The following CUX2 variants were observed in gnomAD, a reference collection of about 807,000 sequenced individuals.
CUX2 encodes the protein cut like homeobox 2.
Under a neutral mutation model 144.8 loss-of-function variants are expected in CUX2, and 40 were observed. That is an observed-to-expected ratio of 0.28 (90% CI 0.21 to 0.36). The LOEUF is 0.36. Ranked by LOEUF, CUX2 falls within the 10% of genes least tolerant of loss-of-function variation. CUX2 has a pLI of 1.00. For missense variants in CUX2, 1,615 were observed against 1,994.0 expected (o/e 0.81, Z 3.62); for synonymous variants, 827 against 875.6 (o/e 0.94, Z 0.98).
chr12:111,061,806 T>C lies in CUX2; in HGVS notation c.63+27566T>C, dbSNP rs1220700775. ...TGTGATGGAAACACTGTGCTTCCAG[T>C]TTTATGTACTTGGCCTTGTTCTCAG... On this transcript the variant is annotated intron_variant, in intron 1 of 21. Transcript: ENST00000261726. This position sits in a 1 kb window ranked among gnomAD's most constrained non-coding sequence, Gnocchi z 4.2. Among the ~76,000 whole-genome samples the C allele has an allele frequency of 6.6e-6, 1 of 152,114 alleles. No individual in the cohort carries two copies. The highest frequency in any genetic ancestry group is 2.4e-5 in the African/African-American group (1 of 41,416).
chr12:111,163,062 A>AG (rs59785819), intron 1 of CUX2, among the ~76,000 whole-genome samples: 15 of 150,774 alleles, frequency 9.9e-5, no homozygotes, highest in Admixed American at 2.6e-4. Context: ...AAAAAAAAAA[A>AG]GGAATTTGGG....
intron 3 of CUX2, among the ~76,000 whole-genome samples, chr12:111,224,516 C>CTTTT (rs34109440): frequency 1.2e-4 from 9 of 77,204 alleles, no homozygotes; most frequent in South Asian, 5.1e-4. Flanking sequence ...AATTACAGGG[C>CTTTT]TTTTTTTTTT....
At chr12:111,067,420 G>A (rs774976622) in intron 1 of CUX2, among the ~76,000 whole-genome samples, 12 of 152,366 alleles carry the variant, frequency 7.9e-5, no homozygotes, top group South Asian at 2.1e-4. Context: ...CATGGGGACA[G>A]AGTGAAACCA....
intron 1 of CUX2, among the ~76,000 whole-genome samples, chr12:111,073,452 G>A (rs1400232682): frequency 6.6e-6 from 1 of 152,080 alleles, no homozygotes; most frequent in Non-Finnish European, 1.5e-5. Flanking sequence ...AAACAGTGCT[G>A]TTAGGAACAT....
At chr12:111,244,357 C>T (rs188962642) in intron 3 of CUX2, among the ~76,000 whole-genome samples, 2 of 152,344 alleles carry the variant, frequency 1.3e-5, no homozygotes, top group African/African-American at 4.8e-5. Context: ...TGGTTCTGGG[C>T]TGTTCTTCTG....
intron 1 of CUX2, among the ~76,000 whole-genome samples, chr12:111,165,644 G>A (rs1878092871): frequency 1.3e-5 from 2 of 152,204 alleles, no homozygotes. Context: ...GGTAAAAATA[G>A]CACTGACCTC....
intron 18 of CUX2, among the ~76,000 whole-genome samples, chr12:111,333,589 G>T (rs889327394): frequency 1.3e-5 from 2 of 152,052 alleles, no homozygotes; most frequent in Non-Finnish European, 2.9e-5. Context: ...AATCAGATTC[G>T]GGCTGTGTAC....
intron 1 of CUX2, among the ~76,000 whole-genome samples, chr12:111,159,616 T>G (rs997478413): frequency 6.6e-6 from 1 of 152,232 alleles, no homozygotes. Context: ...GATTTCAGAA[T>G]AAACAATGAG....
chr12:111,252,283 C>T (rs2136276514), intron 3 of CUX2, among the ~76,000 whole-genome samples: 1 of 152,336 alleles, frequency 6.6e-6, no homozygotes, highest in South Asian at 2.1e-4. Context: ...CATAGCCCAG[C>T]ACCTTCACTT....
intron 4 of CUX2, among the ~76,000 whole-genome samples, chr12:111,283,352 C>T (rs983258494): frequency 6.6e-6 from 1 of 152,136 alleles, no homozygotes; most frequent in African/African-American, 2.4e-5. Context: ...GCAGGACTAC[C>T]CCCGCCGTGC....
chr12:111,145,759 C>T (rs2136129093), intron 1 of CUX2, among the ~76,000 whole-genome samples: 1 of 151,982 alleles, frequency 6.6e-6, no homozygotes, highest in African/African-American at 2.4e-5. Context: ...CTCTGCCTCC[C>T]AGGTTCAAGC....
rs763180221 is a variant in CUX2 at position 111,324,350 on chromosome 12, C to CA, written c.2926+1786dup. 3.1e-3 allele frequency among the ~76,000 whole-genome samples: 230 copies of CA among 73,020 alleles called. 1 individual carries two copies. Among genetic ancestry groups the CA allele is most frequent in the Middle Eastern group, 0.014 (2 of 140 alleles). 47.9% of individuals were successfully genotyped at this position (73,020 alleles called of 152,430 possible). A position where few individuals can be genotyped will look rare whatever the true frequency, so the allele number is the denominator to read the frequency against. ...TGGGCAACAGTGTGAGACTCTGTCT[C>CA]AAAAAAAAAAAAAAAAGAAAGAAAG... is the stretch of plus-strand genomic sequence containing the variant. On this transcript the variant is annotated intron_variant, in intron 18 of 21. Transcript: ENST00000261726.
chr12:111,218,407 T>C (rs372952390), intron 3 of CUX2, among the ~76,000 whole-genome samples: 1 of 152,060 alleles, frequency 6.6e-6, no homozygotes, highest in South Asian at 2.1e-4. Context: ...TCCCAGCTAC[T>C]CCGGAGGCTA....
Position 111,307,294 on chromosome 12 carries a change from C to G in CUX2, c.1109+37C>G. 6.3e-7 allele frequency: 1 copy of G among 1,597,434 alleles called. No homozygotes were observed. Among genetic ancestry groups the G allele is most frequent in the Non-Finnish European group, 8.6e-7 (1 of 1,166,560 alleles). On this transcript the variant is annotated intron_variant, in intron 12 of 21. Coordinates refer to ENST00000261726, the MANE Select transcript of CUX2 (RefSeq NM_015267.4). This position sits in a 1 kb window ranked among gnomAD's most constrained non-coding sequence, Gnocchi z 4.1. ...GGTGGGGCTCCACAGACCCTCAGTG[C>G]TCTTCCCTGGCCAGGAGCTCTTGGC...
intron 18 of CUX2, among the ~76,000 whole-genome samples, chr12:111,325,128 CAAAAAAA>C (rs59188687): frequency 2.6e-5 from 3 of 117,086 alleles, no homozygotes; most frequent in African/African-American, 6.3e-5. Flanking sequence ...ACTAAAATTA[CAAAAAAA>C]AAAAAAAAAT....
intron 21 of CUX2, among the ~76,000 whole-genome samples, chr12:111,343,576 G>C (rs953177530): frequency 4.6e-5 from 7 of 152,142 alleles, no homozygotes; most frequent in African/African-American, 1.7e-4. Context: ...GAGCAACTCA[G>C]CATCTCCTCT....
At chr12:111,166,739 C>G (rs1389613168) in intron 1 of CUX2, among the ~76,000 whole-genome samples, 1 of 152,204 alleles carries the variant, frequency 6.6e-6, no homozygotes, top group Non-Finnish European at 1.5e-5. Context: ...AGAGTGGACC[C>G]TCCTTGCTGG....
At chr12:111,168,676 G>A (rs533231101) in intron 1 of CUX2, among the ~76,000 whole-genome samples, 1 of 152,334 alleles carries the variant, frequency 6.6e-6, no homozygotes. Flanking sequence ...GGATTGTATT[G>A]TATTCATAGT....
chr12:111,100,217 T>G, intron 1 of CUX2: 1 of 363,752 alleles, frequency 2.7e-6, no homozygotes, highest in South Asian at 2.0e-5. Flanking sequence ...GTGTGTGTGC[T>G]TGTGTCTGTG....
Sources: allele counts gnomAD v4.1 joint callset (sites outside exome capture counted in the v4.1 genomes callset), GRCh38; gene constraint gnomAD v4.1.1; non-coding constraint Gnocchi (gnomAD v3.1); transcripts MANE v1.5; gene names NCBI Gene and HGNC (gene_info 2026-07-23, HGNC 2026-07-21).